The following PDZD2 variants were observed in gnomAD, a reference collection of about 807,000 sequenced individuals.
PDZD2 encodes the protein PDZ domain-containing protein 2.
A neutral mutation model predicts 220.7 loss-of-function variants in PDZD2; 90 were observed. That is an observed-to-expected ratio of 0.41 (90% CI 0.34 to 0.49). The LOEUF (loss-of-function observed/expected upper bound fraction) is 0.49, where lower values mean the gene tolerates loss of function less well. Among genes scored for constraint, PDZD2 ranks in the 20% least tolerant of loss-of-function variants. The pLI is 0.28. For synonymous variants in PDZD2, 1,375 were observed against 1,450.5 expected (o/e 0.95, Z 1.18); for missense variants, 3,174 against 3,608.5 (o/e 0.88, Z 3.08).
intron 3 of PDZD2, among the ~76,000 whole-genome samples, chr5:31,993,921 A>C (rs1751430403): frequency 6.6e-6 from 1 of 152,216 alleles, no homozygotes; most frequent in Non-Finnish European, 1.5e-5. Context: ...GGAGTGAAGT[A>C]AGGAGACAAG....
chr5:31,788,228 G>A lies in PDZD2; in HGVS notation c.-360-10661G>A, dbSNP rs577295924. Among the ~76,000 whole-genome samples the A allele has an allele frequency of 1.5e-3, 233 of 152,100 alleles. 2 individuals are homozygous for A. Among genetic ancestry groups the A allele is most frequent in the Non-Finnish European group, 3.0e-3 (201 of 68,012 alleles). On this transcript the variant is annotated intron_variant, in intron 1 of 24. Transcript: ENST00000438447. ...TCTACTAAAAATACAAAAATTAGCT[G>A]GGCATGATAGTGGGTGCCTGTAATC...
chr5:32,058,307 G>A (rs1439673537), intron 12 of PDZD2, among the ~76,000 whole-genome samples: 2 of 150,640 alleles, frequency 1.3e-5, no homozygotes, highest in African/African-American at 4.9e-5. Flanking sequence ...GTTACCAGTA[G>A]CATGGAGCTC....
At chr5:31,720,114 G>A (rs1433799341) in intron 1 of PDZD2, among the ~76,000 whole-genome samples, 3 of 152,206 alleles carry the variant, frequency 2.0e-5, no homozygotes, top group Non-Finnish European at 4.4e-5. Flanking sequence ...TTGGGTGTCT[G>A]TAACTGCCTT....
chr5:32,006,353 A>AAT (rs371484678), intron 5 of PDZD2, among the ~76,000 whole-genome samples: 2 of 134,350 alleles, frequency 1.5e-5, no homozygotes, highest in African/African-American at 5.5e-5. Context: ...AGGAAGTACA[A>AAT]TTTTTTTTTT....
chr5:32,091,459 A>AT (rs1274218261), intron 20 of PDZD2, among the ~76,000 whole-genome samples: 1 of 151,004 alleles, frequency 6.6e-6, no homozygotes, highest in Admixed American at 6.6e-5. Flanking sequence ...TAATTTTTGT[A>AT]TTTTTAATAG....
At chr5:31,669,737 T>C (rs1218642211) in intron 1 of PDZD2, among the ~76,000 whole-genome samples, 2 of 152,224 alleles carry the variant, frequency 1.3e-5, no homozygotes, top group Non-Finnish European at 2.9e-5. Context: ...CATTCTACTC[T>C]TGGATGCTTA....
At chr5:32,066,313 C>T (rs938245737) in intron 14 of PDZD2, among the ~76,000 whole-genome samples, 1 of 152,172 alleles carries the variant, frequency 6.6e-6, no homozygotes, top group Admixed American at 6.5e-5. Flanking sequence ...CCACTGCACT[C>T]CAGCCTGGGC....
chr5:31,891,987 T>G (rs1283085016), intron 2 of PDZD2, among the ~76,000 whole-genome samples: 1 of 152,142 alleles, frequency 6.6e-6, no homozygotes, highest in Non-Finnish European at 1.5e-5. Context: ...CATAGCTCAC[T>G]GCAGCTTCAA....
intron 5 of PDZD2, among the ~76,000 whole-genome samples, chr5:32,003,682 CTTGTTAGTTTTT>C (rs1372641161): frequency 2.0e-5 from 3 of 152,064 alleles, no homozygotes; most frequent in Admixed American, 1.3e-4. Flanking sequence ...ACTTCCTTCT[CTTGTTAGTTTTT>C]TTGTTTTTGT....
chr5:32,000,181 T>C lies in PDZD2; in HGVS notation c.1164T>C (p.Asn388=), dbSNP rs749466869. The change falls in exon 5 of 25, where the codon AAT becomes AAC. Residue 388 remains asparagine, a synonymous_variant. Coordinates refer to ENST00000438447, the MANE Select transcript of PDZD2 (RefSeq NM_178140.4). This position sits in a 1 kb window ranked among gnomAD's most constrained non-coding sequence, Gnocchi z 4.5. Reference sequence around the variant, plus strand: ...TAGGAGATGAGCTGCTGGTAATCAATGGTCATTTACTGGTCGGGCTCTCCC... The same window carrying C: ...TAGGAGATGAGCTGCTGGTAATCAACGGTCATTTACTGGTCGGGCTCTCCC... ...LSLGDELLVI[N]GHLLVGLSHE... is the part of the protein sequence containing the mutation. 2.5e-6 allele frequency: 4 copies of C among 1,613,814 alleles called. No individual in the cohort carries two copies. Among genetic ancestry groups the C allele is most frequent in the Middle Eastern group, 3.3e-4 (2 of 6,084 alleles).
At chr5:31,914,413 C>T (rs1743496801) in intron 2 of PDZD2, among the ~76,000 whole-genome samples, 1 of 152,180 alleles carries the variant, frequency 6.6e-6, no homozygotes, top group Non-Finnish European at 1.5e-5. Flanking sequence ...ACCTTAATCT[C>T]AGCTACTCGG....
At chr5:31,926,468 G>C (rs1744771576) in intron 2 of PDZD2, among the ~76,000 whole-genome samples, 1 of 139,318 alleles carries the variant, frequency 7.2e-6, no homozygotes, top group Admixed American at 7.7e-5. Context: ...AGGGGTTGCA[G>C]TGAGCCGAGA....
Position 31,799,497 on chromosome 5 carries a change from G to A in PDZD2, c.249G>A (p.Val83=), listed in dbSNP as rs1206134741. ...AGGAGCTGGGGGACACAGAGACTGT[G>A]GGCCTGAGTTTTGGGAACATCCCTG... ...LTKELGDTET[V]GLSFGNIPVF... is the part of the protein sequence containing the mutation. Residue 83 remains valine, a synonymous_variant, in exon 2 of 25, where the codon GTG becomes GTA. Transcript: ENST00000438447. 4 of 1,614,092 alleles carry A rather than the reference G, an allele frequency of 2.5e-6. No homozygotes were observed. The highest frequency in any genetic ancestry group is 3.4e-6 in the Non-Finnish European group (4 of 1,180,054).
intron 1 of PDZD2, among the ~76,000 whole-genome samples, chr5:31,648,630 T>A (rs977961175): frequency 2.6e-5 from 4 of 151,916 alleles, no homozygotes; most frequent in Admixed American, 6.6e-5. Flanking sequence ...TTGACCCCAG[T>A]CCTTTTCCTC....
chr5:31,935,883 G>A (rs1239368978), intron 2 of PDZD2, among the ~76,000 whole-genome samples: 3 of 152,326 alleles, frequency 2.0e-5, no homozygotes, highest in East Asian at 3.9e-4. Flanking sequence ...GGTGATGGAA[G>A]AGCTGATCTG....
chr5:32,011,843 G>A (rs1421247502), intron 6 of PDZD2, among the ~76,000 whole-genome samples: 1 of 152,168 alleles, frequency 6.6e-6, no homozygotes, highest in Non-Finnish European at 1.5e-5. Flanking sequence ...GCATGGTTGT[G>A]CAGGTTGTGG....
chr5:31,685,969 G>A (rs1013021406), intron 1 of PDZD2, among the ~76,000 whole-genome samples: 1 of 151,998 alleles, frequency 6.6e-6, no homozygotes, highest in Non-Finnish European at 1.5e-5. Context: ...GGGAGGCCAA[G>A]GTGGGCGGAT....
chr5:31,822,846 C>T (rs1049163275), intron 2 of PDZD2: 2 of 785,076 alleles, frequency 2.5e-6, no homozygotes, highest in African/African-American at 1.7e-5. Context: ...TGGGGAAGTG[C>T]ACATACACAG....
intron 1 of PDZD2, among the ~76,000 whole-genome samples, chr5:31,768,362 G>C (rs921828319): frequency 1.3e-5 from 2 of 152,152 alleles, no homozygotes; most frequent in Non-Finnish European, 2.9e-5. Flanking sequence ...GAGACAAAAG[G>C]CCAGGCTCAG....
Sources: allele counts gnomAD v4.1 joint callset (sites outside exome capture counted in the v4.1 genomes callset), GRCh38; gene constraint gnomAD v4.1.1; non-coding constraint Gnocchi (gnomAD v3.1); transcripts MANE v1.5; gene names NCBI Gene and HGNC (gene_info 2026-07-23, HGNC 2026-07-21).